Variants in FNDC3B observed in about 807,000 individuals in gnomAD.
FNDC3B encodes the protein fibronectin type III domain containing 3B, also known as fibronectin type III domain-containing protein 3B.
FNDC3B carries 12 observed loss-of-function variants against 151.5 expected under a neutral mutation model. The observed-to-expected ratio is 0.08, with a 90% CI of 0.05 to 0.13. FNDC3B has a LOEUF of 0.13. Ranked by LOEUF, FNDC3B falls within the 10% of genes least tolerant of loss-of-function variation. The probability of loss-of-function intolerance (pLI) is 1.00; values close to 1 mark genes in which losing one functional copy is unlikely to be tolerated. For synonymous variants in FNDC3B, 528 were observed against 549.0 expected, an observed-to-expected ratio of 0.96 and a Z score of 0.54; for missense variants, 1,214 against 1,505.3, an observed-to-expected ratio of 0.81 and a Z score of 3.20.
intron 1 of FNDC3B, among the ~76,000 whole-genome samples, chr3:172,045,038 G>A (rs1243282426): frequency 6.6e-6 from 1 of 152,088 alleles, no homozygotes; most frequent in Non-Finnish European, 1.5e-5. Context: ...TTTTCAAATG[G>A]TGTCACAAGG....
intron 2 of FNDC3B, among the ~76,000 whole-genome samples, chr3:172,125,745 G>A (rs1031224868): frequency 5.9e-5 from 9 of 152,148 alleles, no homozygotes; most frequent in Middle Eastern, 3.2e-3. Context: ...TGGCCACTTC[G>A]CGTCACAGGT....
At chr3:172,253,396 C>G (rs1728179107) in intron 6 of FNDC3B, among the ~76,000 whole-genome samples, 1 of 152,142 alleles carries the variant, frequency 6.6e-6, no homozygotes. Flanking sequence ...ACTTCTTGTT[C>G]ATGGGGTCCA....
At chr3:172,128,338 G>T (rs1036086396) in intron 2 of FNDC3B, among the ~76,000 whole-genome samples, 2 of 152,164 alleles carry the variant, frequency 1.3e-5, no homozygotes, top group Non-Finnish European at 1.5e-5. Flanking sequence ...CTTTGCATGT[G>T]TTATTACCAC....
At chr3:172,328,891 T>G in intron 11 of FNDC3B, 61 bp from the exon 12 acceptor site, 4 of 1,328,536 alleles carry the variant, frequency 3.0e-6, no homozygotes, top group Non-Finnish European at 3.1e-6. Context: ...TTCATTTATT[T>G]AGGGTTATCT....
At chr3:172,260,478 T>C (rs1728591804) in intron 6 of FNDC3B, among the ~76,000 whole-genome samples, 1 of 152,252 alleles carries the variant, frequency 6.6e-6, no homozygotes, top group Non-Finnish European at 1.5e-5. Flanking sequence ...CAGAGGACTA[T>C]CATCAGCTCT....
chr3:172,181,514 A>G (rs933256557), intron 3 of FNDC3B, among the ~76,000 whole-genome samples: 4 of 150,586 alleles, frequency 2.7e-5, no homozygotes, highest in African/African-American at 9.8e-5. Flanking sequence ...CCCTTAAACT[A>G]AGGAGGAGGG....
intron 11 of FNDC3B, among the ~76,000 whole-genome samples, chr3:172,317,589 G>T (rs535909236): frequency 6.6e-6 from 1 of 152,258 alleles, no homozygotes; most frequent in Admixed American, 6.5e-5. Flanking sequence ...CCTTAGCCTC[G>T]GCCTTTCCAC....
intron 3 of FNDC3B, among the ~76,000 whole-genome samples, chr3:172,212,720 T>C (rs1038501773): frequency 1.3e-5 from 2 of 152,222 alleles, no homozygotes; most frequent in African/African-American, 2.4e-5. Context: ...CTTTGTATCA[T>C]GAACAATTAA....
At chr3:172,039,973 G>C (rs1715932668) in intron 1 of FNDC3B, among the ~76,000 whole-genome samples, 1 of 152,194 alleles carries the variant, frequency 6.6e-6, no homozygotes, top group African/African-American at 2.4e-5. Flanking sequence ...CCGGGAACAC[G>C]GGACCCGGGA....
chr3:172,349,994 G>C (rs567619897), intron 21 of FNDC3B, among the ~76,000 whole-genome samples: 2 of 152,190 alleles, frequency 1.3e-5, no homozygotes, highest in East Asian at 3.9e-4. Context: ...TTATTCTATA[G>C]TTCTGTAACA....
chr3:172,221,199 GA>G (rs1227368367), intron 3 of FNDC3B, among the ~76,000 whole-genome samples: 1 of 151,956 alleles, frequency 6.6e-6, no homozygotes. Context: ...GGATCTTTGA[GA>G]TTTTCTATAC....
intron 1 of FNDC3B, among the ~76,000 whole-genome samples, chr3:172,104,104 T>C (rs1576866596): frequency 1.3e-5 from 2 of 152,334 alleles, no homozygotes; most frequent in East Asian, 3.9e-4. Context: ...TTCTTCCTTT[T>C]ATGCAGAAGG....
intron 1 of FNDC3B, among the ~76,000 whole-genome samples, chr3:172,111,645 A>T (rs569015662): frequency 6.6e-6 from 1 of 152,174 alleles, no homozygotes; most frequent in Non-Finnish European, 1.5e-5. Flanking sequence ...GAGGAGAGGT[A>T]TGCTTGACGT....
At chr3:172,103,301 T>A (rs1437216892) in intron 1 of FNDC3B, among the ~76,000 whole-genome samples, 1 of 152,182 alleles carries the variant, frequency 6.6e-6, no homozygotes, top group Non-Finnish European at 1.5e-5. Context: ...ATTTAGTTTT[T>A]ATGTTTCTGT....
intron 1 of FNDC3B, among the ~76,000 whole-genome samples, chr3:172,095,550 C>A (rs1331646060): frequency 2.6e-5 from 4 of 152,132 alleles, no homozygotes; most frequent in African/African-American, 9.7e-5. Flanking sequence ...ATAGGATTAC[C>A]CTTGACCAGA....
At chr3:172,262,268 C>T (rs1056041019) in intron 6 of FNDC3B, among the ~76,000 whole-genome samples, 4 of 152,168 alleles carry the variant, frequency 2.6e-5, no homozygotes, top group South Asian at 4.1e-4. Context: ...TGGGTGGAGA[C>T]GGGGAAAGCC....
intron 6 of FNDC3B, among the ~76,000 whole-genome samples, chr3:172,274,443 A>G (rs1729345929): frequency 6.6e-6 from 1 of 152,116 alleles, no homozygotes; most frequent in African/African-American, 2.4e-5. Context: ...TGGACCGAAA[A>G]TCAGAAGACA....
chr3:172,291,498 A>G (rs553076433), intron 7 of FNDC3B, among the ~76,000 whole-genome samples: 2 of 152,340 alleles, frequency 1.3e-5, no homozygotes, highest in Non-Finnish European at 2.9e-5. Flanking sequence ...ACTTAGTAGT[A>G]GGAAGTAATT....
intron 3 of FNDC3B, among the ~76,000 whole-genome samples, chr3:172,136,595 C>A (rs1336534991): frequency 2.0e-5 from 3 of 152,118 alleles, no homozygotes; most frequent in Non-Finnish European, 2.9e-5. Flanking sequence ...AGGAAGGAAT[C>A]TGAAAATGGT....
Sources: gnomAD v4.1 joint callset for allele counts (sites outside exome capture counted in the v4.1 genomes callset) on GRCh38, gnomAD v4.1.1 for gene constraint, MANE v1.5 for transcripts, NCBI Gene and HGNC (gene_info 2026-07-23, HGNC 2026-07-21) for gene names.